The following ANKRD30A variants were observed in gnomAD, a reference collection of about 807,000 sequenced individuals.
ANKRD30A encodes the protein ankyrin repeat domain-containing protein 30A.
Under a neutral mutation model 166.3 loss-of-function variants are expected in ANKRD30A, and 170 were observed. The ratio of observed to expected loss-of-function variants is 1.02; its 90% CI spans 0.90 to 1.16. The LOEUF is 1.16. Ranked by LOEUF, ANKRD30A falls within the 50% of genes most tolerant of loss-of-function variation. The pLI, the probability that ANKRD30A is intolerant of heterozygous loss-of-function variation, is 0.00. For missense variants in ANKRD30A, 1,630 were observed against 1,518.0 expected (o/e 1.07, Z -1.23); for synonymous variants, 564 against 508.9 (o/e 1.11, Z -1.46).
At chr10:37,247,221 CAG>C in the ANKRD30A span, among the ~76,000 whole-genome samples, 1 of 152,118 alleles carries the variant, frequency 6.6e-6, no homozygotes, top group African/African-American at 2.4e-5. Context: ...TTGGTTGTTT[CAG>C]AGTTACTTTC....
chr10:37,192,611 A>T (rs16937416), intron 25 of ANKRD30A, among the ~76,000 whole-genome samples: 1 of 152,046 alleles, frequency 6.6e-6, no homozygotes, highest in African/African-American at 2.4e-5. Context: ...GAAGAACATA[A>T]TAGCAACATG....
rs866826734 is a variant in ANKRD30A at position 37,196,077 on chromosome 10, T to A, written c.2615-1204T>A. ...GGGAAGAATTCTACAGAGTTAGAGG[T>A]TTTTTTATATTTTCTATTTTTTTTT... On this transcript the variant is annotated intron_variant, in intron 27 of 35. Transcript: ENST00000361713. 1.8e-4 allele frequency among the ~76,000 whole-genome samples: 26 copies of A among 147,350 alleles called. No homozygotes were observed. In the South Asian group the frequency reaches 5.2e-3, roughly 30 times the overall value.
chr10:37,165,086 T>A lies in ANKRD30A; in HGVS notation c.2003-8T>A. On this transcript the variant is annotated splice_polypyrimidine_tract_variant and splice_region_variant and intron_variant, in intron 17 of 35. Transcript: ENST00000361713. Reference sequence around the variant, plus strand: ...CTCATGAATGTATCTGTGATTAACCTTTTATAGATGAGATACTCCCATCAG... The same window carrying A: ...CTCATGAATGTATCTGTGATTAACCATTTATAGATGAGATACTCCCATCAG... 6.2e-7 allele frequency: 1 copy of A among 1,605,514 alleles called. No homozygotes were observed. Among genetic ancestry groups the A allele is most frequent in the Non-Finnish European group, 8.5e-7 (1 of 1,172,796 alleles).
chr10:37,205,091 A>G (rs1319887511), intron 31 of ANKRD30A, among the ~76,000 whole-genome samples: 1 of 152,164 alleles, frequency 6.6e-6, no homozygotes, highest in Non-Finnish European at 1.5e-5. Context: ...CAGGGATCCC[A>G]TTACTGGTTA....
chr10:37,132,213 A>C lies in ANKRD30A; in HGVS notation c.511-27A>C, dbSNP rs201297627. ...AGCTGAGAAATATGTAATTTCATGA[A>C]TTATAAATTGTTTTGCTATTTTACA... is the stretch of plus-strand genomic sequence containing the variant. On this transcript the variant is annotated intron_variant, in intron 3 of 35. Transcript: ENST00000361713. The C allele has an allele frequency of 2.8e-3, 4,163 of 1,466,828 alleles. 10 individuals carry two copies. Among genetic ancestry groups the C allele is most frequent in the Non-Finnish European group, 3.6e-3 (3,902 of 1,072,296 alleles). The allele number at this position is 1,466,828 out of a possible 1,614,324, so 90.9% of individuals were successfully genotyped here.
In ANKRD30A at chr10:37,231,633, T is replaced by C; in HGVS notation, c.*164T>C. 1 of 440,246 alleles carries C rather than the reference T, an allele frequency of 2.3e-6. No individual in the cohort carries two copies. The highest frequency in any genetic ancestry group is 3.7e-5 in the East Asian group (1 of 27,272). The allele number at this position is 440,246 out of a possible 1,614,324, so 27.3% of individuals were successfully genotyped here. A position where few individuals can be genotyped will look rare whatever the true frequency, so the allele number is the denominator to read the frequency against. ...AGAAGAAAAATTCATGATTTCTTCC[T>C]GAAGCCTACAGACATAAAATAACAG... On this transcript the variant is annotated 3_prime_UTR_variant, in exon 35 of 36. Transcript: ENST00000361713.
chr10:37,164,874 AT>A (rs1423761804), intron 17 of ANKRD30A, among the ~76,000 whole-genome samples: 20 of 151,970 alleles, frequency 1.3e-4, no homozygotes, highest in Non-Finnish European at 1.5e-5. Flanking sequence ...TCAAATTTCT[AT>A]TTTTCTGCAT....
the ANKRD30A span, among the ~76,000 whole-genome samples, chr10:37,245,295 T>C: frequency 3.3e-5 from 5 of 152,310 alleles, no homozygotes; most frequent in South Asian, 1.0e-3. Flanking sequence ...TTAGTTAAGC[T>C]GTCTTGCTAA....
rs1345574281 is a variant in ANKRD30A, at chr10:37,125,935, C to T, written c.148C>T (p.Gln50Ter). 3.1e-6 allele frequency: 5 copies of T among 1,611,942 alleles called. No homozygotes were observed. Among genetic ancestry groups the T allele is most frequent in the Non-Finnish European group, 4.2e-6 (5 of 1,179,826 alleles). Residue 50 changes from glutamine (Q) to a stop codon, truncating the protein, a stop_gained, in exon 1 of 36, where the codon CAA becomes TAA. Transcript: ENST00000361713. LOFTEE classifies it high-confidence loss of function. ...RKIHKAASRG[Q>*]VRKLEKMTKR... ...GATCCATAAAGCTGCCTCCCGGGGA[C>T]AAGTCCGGAAGCTGGAGAAGATGAC...
rs772987097 is a variant in ANKRD30A, at chr10:37,142,047, G to T, written c.1150G>T (p.Ala384Ser). 3.1e-6 allele frequency: 5 copies of T among 1,606,082 alleles called. No individual in the cohort carries two copies. The highest frequency in any genetic ancestry group is 2.2e-5 in the South Asian group (2 of 90,678). Residue 384 changes from alanine (A) to serine (S), a missense_variant, in exon 7 of 36, where the codon GCA (alanine) becomes TCA (serine). This residue lies in a region of ANKRD30A where 904 missense variants were observed against 818.5 expected (regional missense o/e 1.10). Transcript: ENST00000361713. The part of the protein sequence containing the change: ...WPAKGRPRKI[A>S]WEKKEDTPRE... ...AGCAAAAGGAAGACCTAGGAAGATC[G>T]CATGGGAGAAAAAAGAAGACACACC...
intron 19 of ANKRD30A, among the ~76,000 whole-genome samples, chr10:37,167,316 A>G (rs1839435954): frequency 6.9e-6 from 1 of 145,218 alleles, no homozygotes; most frequent in South Asian, 2.1e-4. Flanking sequence ...GTGTGCATGT[A>G]TGTATGTTTT....
At chr10:37,133,325 A>G (rs1382733131) in intron 4 of ANKRD30A, among the ~76,000 whole-genome samples, 1 of 152,210 alleles carries the variant, frequency 6.6e-6, no homozygotes, top group African/African-American at 2.4e-5. Context: ...TTTAATTTCT[A>G]GCTTCCTCAC....
In ANKRD30A at chr10:37,158,668, G is replaced by A. The variant is rs1203034107; in HGVS notation, c.1900+82G>A. 8 of 1,555,108 alleles carry A rather than the reference G, an allele frequency of 5.1e-6. No individual in the cohort carries two copies. The Admixed American group carries it at 1.1e-4, about 22-fold the overall frequency. On this transcript the variant is annotated intron_variant, in intron 15 of 35. Coordinates refer to ENST00000361713, the MANE Select transcript of ANKRD30A (RefSeq NM_052997.3). ...TGCTGTGAGACTTTTCATTCCCAAT[G>A]TTGTTTTCTATTCAAAATTTGATGG...
chr10:37,263,583 C>T, the ANKRD30A span, among the ~76,000 whole-genome samples: 7 of 152,016 alleles, frequency 4.6e-5, no homozygotes, highest in Middle Eastern at 3.4e-3. Flanking sequence ...CCTTCGCATG[C>T]GCAGTTCTCA....
chr10:37,135,544 T>C (rs2132517619), intron 5 of ANKRD30A, among the ~76,000 whole-genome samples: 1 of 152,266 alleles, frequency 6.6e-6, no homozygotes, highest in Non-Finnish European at 1.5e-5. Flanking sequence ...ATCTCAGAAA[T>C]GAGAAAATAC....
chr10:37,203,404 A>T (rs1181621020), intron 31 of ANKRD30A, among the ~76,000 whole-genome samples: 1 of 152,226 alleles, frequency 6.6e-6, no homozygotes, highest in African/African-American at 2.4e-5. Flanking sequence ...ATCTCAATAG[A>T]TGCAGAAAAG....
chr10:37,238,898 A>T, the ANKRD30A span, among the ~76,000 whole-genome samples: 1 of 152,124 alleles, frequency 6.6e-6, no homozygotes. Context: ...TAAATTTACC[A>T]GGCATGTCTG....
At chr10:37,132,113 A>G (rs931800333) in intron 3 of ANKRD30A, 127 bp from the exon 4 acceptor site, 9 of 563,794 alleles carry the variant, frequency 1.6e-5, no homozygotes, top group Non-Finnish European at 2.0e-5. Flanking sequence ...AAAGGGAGAA[A>G]GAAGGGACTG....
At chr10:37,253,390 GT>G in the ANKRD30A span, among the ~76,000 whole-genome samples, 33 of 152,138 alleles carry the variant, frequency 2.2e-4, no homozygotes, top group Non-Finnish European at 1.2e-4. Context: ...CAATTGTATA[GT>G]TTTTTAAACA....
Sources: gnomAD v4.1 joint callset for allele counts (sites outside exome capture counted in the v4.1 genomes callset) on GRCh38, gnomAD v4.1.1 for gene constraint, gnomAD v4.1.1 regional missense constraint, MANE v1.5 for transcripts, NCBI Gene and HGNC (gene_info 2026-07-23, HGNC 2026-07-21) for gene names.